The following RYR2 variants were observed in gnomAD, a reference collection of about 807,000 sequenced individuals.
RYR2 encodes cardiac muscle ryanodine receptor-calcium release channel.
RYR2 carries 227 observed loss-of-function variants against 601.1 expected under a neutral mutation model. The observed-to-expected ratio is 0.38, with a 90% CI of 0.34 to 0.42. RYR2 has a LOEUF of 0.42. RYR2 is among the 10% of genes least tolerant of loss of function. The pLI is 1.00. For missense variants in RYR2, 4,646 were observed against 6,156.5 expected (o/e 0.75, Z 8.21); for synonymous variants, 2,223 against 2,175.1 (o/e 1.02, Z -0.61).
chr1:237,397,484 C>A (rs530154548), intron 10 of RYR2, among the ~76,000 whole-genome samples: 54 of 152,222 alleles, frequency 3.5e-4, no homozygotes, highest in Admixed American at 9.1e-4. Flanking sequence ...TGATATACAT[C>A]AGCCTTGCCT....
In RYR2 at chr1:237,526,369, C is replaced by G. The variant is rs1266860496; in HGVS notation, c.2823-4058C>G. ...TTTTCTTTTCTTTTTTTTTTCAGGA[C>G]CAGAGTCTCACTCTGTAGCCCAGGC... On this transcript the variant is annotated intron_variant, in intron 24 of 104. Transcript: ENST00000366574. 2.0e-5 allele frequency among the ~76,000 whole-genome samples: 3 copies of G among 150,432 alleles called. No homozygotes were observed. The East Asian group carries it at 5.8e-4, about 29-fold the overall frequency.
At chr1:237,215,211 T>C (rs928236498) in intron 1 of RYR2, among the ~76,000 whole-genome samples, 2 of 152,198 alleles carry the variant, frequency 1.3e-5, no homozygotes, top group African/African-American at 4.8e-5. Context: ...GAGGAAAATA[T>C]GTAGCATTGG....
At chr1:237,395,578 G>A (rs573507006) in intron 10 of RYR2, among the ~76,000 whole-genome samples, 16 of 107,156 alleles carry the variant, frequency 1.5e-4, no homozygotes, top group African/African-American at 5.8e-4. Flanking sequence ...ACAGAGTCTC[G>A]CTTTGTTCCC....
chr1:237,726,660 A>G (rs1487865359), intron 75 of RYR2, among the ~76,000 whole-genome samples: 1 of 152,116 alleles, frequency 6.6e-6, no homozygotes, highest in Non-Finnish European at 1.5e-5. Context: ...AATTAGTTAC[A>G]ATGGACATAT....
chr1:237,247,782 G>A (rs185414751), intron 1 of RYR2, among the ~76,000 whole-genome samples: 20 of 152,278 alleles, frequency 1.3e-4, no homozygotes, highest in Admixed American at 7.2e-4. Flanking sequence ...TGTTTTAAGA[G>A]GGAGATCTGC....
chr1:237,784,485 T>A lies in RYR2; in HGVS notation c.12773T>A (p.Met4258Lys). The change falls in exon 90 of 105, where the codon ATG (methionine) becomes AAG (lysine). Residue 4258 changes from methionine to lysine, a missense_variant. Met to Lys is a moderately conservative substitution (Grantham distance 95). Coordinates refer to ENST00000366574, the MANE Select transcript of RYR2 (RefSeq NM_001035.3). The surrounding 1 kb of genome is among the most constrained non-coding windows in gnomAD (Gnocchi z 7.1). Reference protein sequence around the residue: ...LRYNILTLMRMLSLKSLKKQM... With the variant: ...LRYNILTLMRKLSLKSLKKQM... The stretch of plus-strand genomic sequence containing the variant: ...TACAATATCTTGACCCTTATGCGAA[T>A]GCTCAGTCTGAAGAGCCTGAAGAAG... The A allele has an allele frequency of 8.7e-6, 14 of 1,613,654 alleles. No homozygotes were observed. The highest frequency in any genetic ancestry group is 1.2e-5 in the Non-Finnish European group (14 of 1,179,764).
intron 25 of RYR2, among the ~76,000 whole-genome samples, chr1:237,531,056 T>C (rs1668092715): frequency 6.6e-6 from 1 of 152,196 alleles, no homozygotes; most frequent in Non-Finnish European, 1.5e-5. Flanking sequence ...GTTATAAAAA[T>C]TGTGTTATTT....
intron 1 of RYR2, among the ~76,000 whole-genome samples, chr1:237,099,225 C>T (rs1054993696): frequency 6.6e-6 from 1 of 151,864 alleles, no homozygotes; most frequent in Non-Finnish European, 1.5e-5. Context: ...GATGGCAAGC[C>T]AGTCTTGATG....
At chr1:237,539,611 G>A (rs1237897648) in intron 25 of RYR2, among the ~76,000 whole-genome samples, 2 of 152,132 alleles carry the variant, frequency 1.3e-5, no homozygotes, top group Non-Finnish European at 2.9e-5. Context: ...AACACTGCAT[G>A]TTCTCACTTA....
chr1:237,452,513 T>C (rs1427225783), intron 14 of RYR2, among the ~76,000 whole-genome samples: 3 of 137,260 alleles, frequency 2.2e-5, no homozygotes, highest in Non-Finnish European at 4.7e-5. Context: ...AACAAATATA[T>C]AATATATAAT....
intron 29 of RYR2, among the ~76,000 whole-genome samples, chr1:237,582,210 C>T (rs560618167): frequency 2.0e-5 from 3 of 152,058 alleles, no homozygotes; most frequent in East Asian, 1.9e-4. Flanking sequence ...TCAAGCGATT[C>T]TCCTGCTTCA....
intron 17 of RYR2, among the ~76,000 whole-genome samples, chr1:237,479,055 C>T (rs1558888546): frequency 6.6e-6 from 1 of 152,128 alleles, no homozygotes; most frequent in Non-Finnish European, 1.5e-5. Flanking sequence ...GCTTTACTAC[C>T]CCTCTCTTGA....
chr1:237,702,198 A>G, intron 66 of RYR2, 139 bp downstream of exon 66: 1 of 586,854 alleles, frequency 1.7e-6, no homozygotes, highest in Non-Finnish European at 3.0e-6. Flanking sequence ...CTTGGAAGTA[A>G]TTAGACAATC....
rs541707396 is a variant in RYR2, at chr1:237,395,704, G to A, written c.773+7521G>A. On this transcript the variant is annotated intron_variant, in intron 10 of 104. Transcript: ENST00000366574. ...TGGGACTACAGGCACCCGCCACCAC[G>A]CCTGGCTAATTTTTTGTATTTTTAG... Among the ~76,000 whole-genome samples the A allele has an allele frequency of 2.6e-5, 4 of 151,908 alleles. No individual in the cohort carries two copies. The East Asian group carries it at 7.8e-4, about 30-fold the overall frequency.
chr1:237,216,744 C>A (rs1425481331), intron 1 of RYR2, among the ~76,000 whole-genome samples: 1 of 147,744 alleles, frequency 6.8e-6, no homozygotes, highest in Non-Finnish European at 1.5e-5. Flanking sequence ...TCTTAAAACA[C>A]CCCCCACCAA....
chr1:237,264,764 C>T (rs1458166631), intron 1 of RYR2, among the ~76,000 whole-genome samples: 11 of 151,142 alleles, frequency 7.3e-5, no homozygotes, highest in Non-Finnish European at 1.5e-4. Flanking sequence ...GGCGTGATCT[C>T]GGCTCACTGC....
Position 237,654,425 on chromosome 1 carries a change from G to A in RYR2, c.7965+11G>A, listed in dbSNP as rs1434814436. The A allele has an allele frequency of 1.9e-6, 3 of 1,613,024 alleles. No individual in the cohort carries two copies. The highest frequency in any genetic ancestry group is 2.5e-6 in the Non-Finnish European group (3 of 1,179,306). On this transcript the variant is annotated intron_variant, in intron 52 of 104. Transcript: ENST00000366574. The stretch of plus-strand genomic sequence containing the variant: ...GCCCTGTCTCAAAAGGTAATTTAAT[G>A]GTTTGTGGGTTTGTTTGTATCAATA...
intron 74 of RYR2, among the ~76,000 whole-genome samples, chr1:237,725,452 A>G (rs1690114004): frequency 6.6e-6 from 1 of 151,852 alleles, no homozygotes; most frequent in African/African-American, 2.4e-5. Flanking sequence ...TGGACAGGAA[A>G]CACTTGTTGA....
chr1:237,831,227 C>G (rs1663750540), intron 103 of RYR2, among the ~76,000 whole-genome samples: 1 of 152,124 alleles, frequency 6.6e-6, no homozygotes, highest in Non-Finnish European at 1.5e-5. Context: ...TAAATTACAA[C>G]TTCTCATTAA....
Sources: allele counts gnomAD v4.1 joint callset (sites outside exome capture counted in the v4.1 genomes callset), GRCh38; gene constraint gnomAD v4.1.1; non-coding constraint Gnocchi (gnomAD v3.1); transcripts MANE v1.5; gene names NCBI Gene and HGNC (gene_info 2026-07-23, HGNC 2026-07-21).